The following RNF20 variants were observed in gnomAD, a reference collection of about 807,000 sequenced individuals.
The protein encoded by RNF20 is E3 ubiquitin-protein ligase BRE1A.
A neutral mutation model predicts 126.2 loss-of-function variants in RNF20; 84 were observed. That is an observed-to-expected ratio of 0.67 (90% CI 0.56 to 0.80). The LOEUF (loss-of-function observed/expected upper bound fraction) is 0.80, where lower values mean the gene tolerates loss of function less well. Ranked by LOEUF, RNF20 falls within the 30% of genes least tolerant of loss-of-function variation. The pLI, the probability that RNF20 is intolerant of heterozygous loss-of-function variation, is 0.00. For missense variants in RNF20, 869 were observed against 1,188.2 expected (o/e 0.73, Z 3.95); for synonymous variants, 400 against 414.3 (o/e 0.97, Z 0.42).
chr9:101,543,833 TC>T (rs1205175863), intron 5 of RNF20, among the ~76,000 whole-genome samples: 1 of 152,238 alleles, frequency 6.6e-6, no homozygotes, highest in East Asian at 1.9e-4. Context: ...CTGAGCATAT[TC>T]TTATTTTTGG....
At chr9:101,551,564 A>T in intron 10 of RNF20, 120 bp from the exon 11 acceptor site, 1 of 447,294 alleles carries the variant, frequency 2.2e-6, no homozygotes, top group Non-Finnish European at 3.3e-6. Context: ...AGTCTTTTGT[A>T]GATATCTGGT....
chr9:101,534,764 T>G (rs1372156033), intron 1 of RNF20, among the ~76,000 whole-genome samples: 1 of 152,148 alleles, frequency 6.6e-6, no homozygotes, highest in Non-Finnish European at 1.5e-5. Flanking sequence ...AACTGCCCTT[T>G]TCTGATTTTG....
Position 101,540,630 on chromosome 9 carries a change from A to C in RNF20, c.438A>C (p.Arg146=). The C allele has an allele frequency of 1.2e-6, 2 of 1,614,112 alleles. No homozygotes were observed. Among genetic ancestry groups the C allele is most frequent in the Non-Finnish European group, 1.7e-6 (2 of 1,180,022 alleles). The part of the protein sequence containing the change: ...SDSNQERKDD[R]ERGEGQEPAF... ...GCAATCAGGAGCGTAAAGATGACCG[A>C]GAGAGAGGCAAGTGTTCGTGATGGA... The change falls in exon 4 of 20, where the codon CGA becomes CGC. Residue 146 remains arginine, a synonymous_variant. Coordinates refer to ENST00000389120, the MANE Select transcript of RNF20 (RefSeq NM_019592.7).
chr9:101,544,517 C>A (rs940758889), intron 5 of RNF20, among the ~76,000 whole-genome samples: 2 of 152,122 alleles, frequency 1.3e-5, no homozygotes, highest in Non-Finnish European at 2.9e-5. Context: ...ACCAGCCTGT[C>A]CGACATGGTG....
At position 101,556,552 on chromosome 9, in the gene RNF20, A is replaced by G. The variant is rs73503247; in HGVS notation, c.2170-832A>G. On this transcript the variant is annotated intron_variant, in intron 15 of 19. Transcript: ENST00000389120. Reference sequence around the variant, plus strand: ...GATGATTTCCAAATGGATCATAGATATGATATTTTAAAAAATGCATCCATC... The same window carrying G: ...GATGATTTCCAAATGGATCATAGATGTGATATTTTAAAAAATGCATCCATC... Among the ~76,000 whole-genome samples, 1,181 of 152,318 alleles carry G rather than the reference A, an allele frequency of 7.8e-3. 20 individuals are homozygous for G. Among genetic ancestry groups the G allele is most frequent in the African/African-American group, 0.027 (1,133 of 41,582 alleles).
chr9:101,544,563 G>T (rs931124261), intron 5 of RNF20, among the ~76,000 whole-genome samples: 13 of 152,030 alleles, frequency 8.6e-5, no homozygotes, highest in Admixed American at 5.2e-4. Flanking sequence ...AAAATCATCC[G>T]GGTGTGGTGG....
In RNF20 at chr9:101,550,657, C is replaced by T. The variant is rs752050874; in HGVS notation, c.1144C>T (p.Arg382Cys). 5 of 1,613,998 alleles carry T rather than the reference C, an allele frequency of 3.1e-6. No individual in the cohort carries two copies. The highest frequency in any genetic ancestry group is 1.7e-5 in the Admixed American group (1 of 60,006). ...AGTCGTTAAGGAAACTCCAGAATATCGCTGCATGCAGTCACAGTTCTCCGT... is the reference window on the plus strand; with the variant it reads ...AGTCGTTAAGGAAACTCCAGAATATTGCTGCATGCAGTCACAGTTCTCCGT... ...EQVVKETPEYRCMQSQFSVLY... is the reference protein window; with the variant it reads ...EQVVKETPEYCCMQSQFSVLY... The change falls in exon 10 of 20, where the codon CGC (arginine) becomes TGC (cysteine). Residue 382 changes from arginine to cysteine, a missense_variant. Physicochemically the swap from Arg to Cys is radical, Grantham distance 180 (BLOSUM62 -3). Transcript: ENST00000389120.
At position 101,552,737 on chromosome 9, in the gene RNF20, T is replaced by C; in HGVS notation, c.1885T>C (p.Leu629=). 2 of 1,607,076 alleles carry C rather than the reference T, an allele frequency of 1.2e-6. No individual in the cohort carries two copies. The highest frequency in any genetic ancestry group is 2.2e-5 in the East Asian group (1 of 44,834). Residue 629 remains leucine (L), a synonymous_variant, in exon 13 of 20, where the codon TTG becomes CTG. Transcript: ENST00000389120. ...RKKEAEIIKQ[L]KIELKKAQES... ...AAAGGAAGCAGAAATTATCAAACAA[T>C]TGAAGATTGAACTCAAGTAAGAACC...
chr9:101,541,201 C>G (rs541311754), intron 5 of RNF20, among the ~76,000 whole-genome samples: 1 of 152,234 alleles, frequency 6.6e-6, no homozygotes, highest in African/African-American at 2.4e-5. Flanking sequence ...TTCCGAATAG[C>G]TAGGACTATA....
chr9:101,542,691 C>G (rs527853791), intron 5 of RNF20, among the ~76,000 whole-genome samples: 1 of 152,186 alleles, frequency 6.6e-6, no homozygotes, highest in Non-Finnish European at 1.5e-5. Flanking sequence ...TGTGCATAGA[C>G]TATGTTAAAC....
chr9:101,548,420 A>G (rs971044299), intron 9 of RNF20, among the ~76,000 whole-genome samples: 10 of 152,198 alleles, frequency 6.6e-5, no homozygotes, highest in South Asian at 2.1e-4. Context: ...ACTATAATTA[A>G]TGCTGTATTG....
At position 101,561,899 on chromosome 9, in the gene RNF20, T is replaced by G; in HGVS notation, c.2650-11T>G. 6.3e-7 allele frequency: 1 copy of G among 1,588,532 alleles called. No homozygotes were observed. Among genetic ancestry groups the G allele is most frequent in the Non-Finnish European group, 8.6e-7 (1 of 1,156,816 alleles). Reference sequence around the variant, plus strand: ...GTAAGTGTGTCTAATGGGTATGCTATCCTGCCACAGGAGGACATCTCTAGA... The same window carrying G: ...GTAAGTGTGTCTAATGGGTATGCTAGCCTGCCACAGGAGGACATCTCTAGA... On this transcript the variant is annotated splice_polypyrimidine_tract_variant and intron_variant, in intron 18 of 19. Coordinates refer to ENST00000389120, the MANE Select transcript of RNF20 (RefSeq NM_019592.7).
intron 16 of RNF20, among the ~76,000 whole-genome samples, chr9:101,560,421 T>C (rs1405951001): frequency 6.6e-6 from 1 of 152,154 alleles, no homozygotes; most frequent in Non-Finnish European, 1.5e-5. Context: ...TGTGCATTAA[T>C]TTCAAAAAAG....
intron 2 of RNF20, among the ~76,000 whole-genome samples, chr9:101,537,443 A>G (rs955971300): frequency 3.9e-5 from 6 of 152,234 alleles, no homozygotes; most frequent in Non-Finnish European, 7.4e-5. Context: ...TATAAGTTTG[A>G]GATACTTATT....
chr9:101,550,680 C>G lies in RNF20; in HGVS notation c.1167C>G (p.Ser389=), dbSNP rs369641360. The change falls in exon 10 of 20, where the codon TCC becomes TCG. Residue 389 remains serine, a synonymous_variant. Transcript: ENST00000389120. ...PEYRCMQSQF[S]VLYNESLQLK... ...ATCGCTGCATGCAGTCACAGTTCTC[C>G]GTCTTGTATAATGAGAGCCTACAGT... is the stretch of plus-strand genomic sequence containing the variant. 1 of 1,614,022 alleles carries G rather than the reference C, an allele frequency of 6.2e-7. No individual in the cohort carries two copies. The highest frequency in any genetic ancestry group is 2.2e-5 in the East Asian group (1 of 44,876).
intron 14 of RNF20, 76 bp downstream of exon 14, chr9:101,554,181 A>G: frequency 1.2e-6 from 1 of 801,224 alleles, no homozygotes; most frequent in Non-Finnish European, 2.1e-6. Flanking sequence ...CTTGCCAACG[A>G]TATAATTTCT....
At chr9:101,552,867 G>A in intron 13 of RNF20, 114 bp downstream of exon 13, 3 of 1,103,930 alleles carry the variant, frequency 2.7e-6, no homozygotes, top group South Asian at 1.8e-5. Context: ...GTTTTAGATT[G>A]TACAATTAAT....
At chr9:101,543,306 A>G (rs552205317) in intron 5 of RNF20, among the ~76,000 whole-genome samples, 1 of 151,380 alleles carries the variant, frequency 6.6e-6, no homozygotes. Context: ...CCAGGGCGGC[A>G]CTGTCTAACC....
At chr9:101,535,031 C>A (rs1336677205) in intron 1 of RNF20, among the ~76,000 whole-genome samples, 1 of 151,834 alleles carries the variant, frequency 6.6e-6, no homozygotes, top group Non-Finnish European at 1.5e-5. Context: ...CCTTAGCCTC[C>A]CGAGTAGCTG....
Sources: allele counts gnomAD v4.1 joint callset (sites outside exome capture counted in the v4.1 genomes callset), GRCh38; gene constraint gnomAD v4.1.1; transcripts MANE v1.5; gene names NCBI Gene and HGNC (gene_info 2026-07-23, HGNC 2026-07-21).